ADAMTSL5: variants seen among roughly 807,000 people sequenced by gnomAD.
The protein encoded by ADAMTSL5 is ADAMTS-like protein 5.
In ADAMTSL5, 53 loss-of-function variants were observed where a neutral mutation model predicts 51.7. The ratio of observed to expected loss-of-function variants is 1.03; its 90% CI spans 0.82 to 1.29. The LOEUF (loss-of-function observed/expected upper bound fraction) is 1.29, where lower values mean the gene tolerates loss of function less well. ADAMTSL5 is among the 50% of genes most tolerant of loss of function. The pLI is 0.00. For synonymous variants in ADAMTSL5, 285 were observed against 278.7 expected (o/e 1.02, Z -0.23); for missense variants, 770 against 676.2 (o/e 1.14, Z -1.54).
At chr19:1,512,666 T>G (rs1429540545) in intron 1 of ADAMTSL5, among the ~76,000 whole-genome samples, 1 of 151,484 alleles carries the variant, frequency 6.6e-6, no homozygotes, top group African/African-American at 2.4e-5. Flanking sequence ...GGCGACATAG[T>G]GAGACTCAGT....
Position 1,505,868 on chromosome 19 carries a change from G to T in ADAMTSL5, c.*147C>A. The T allele has an allele frequency of 9.5e-7, 1 of 1,048,566 alleles. No individual in the cohort carries two copies. The highest frequency in any genetic ancestry group is 1.7e-5 in the South Asian group (1 of 57,352). 65.0% of individuals were successfully genotyped at this position (1,048,566 alleles called of 1,614,324 possible). On this transcript the variant is annotated 3_prime_UTR_variant, in exon 12 of 12. Coordinates refer to ENST00000330475, the MANE Select transcript of ADAMTSL5 (RefSeq NM_213604.3). ...TTGACTGCATGCAGAGGTGTCTTAA[G>T]CGTGTGTGGGAGGGAGTCACATAGC... is the stretch of plus-strand genomic sequence containing the variant.
Position 1,505,969 on chromosome 19 carries a change from C to A in ADAMTSL5, c.*46G>T. 1 of 1,473,974 alleles carries A rather than the reference C, an allele frequency of 6.8e-7. No individual in the cohort carries two copies. Among genetic ancestry groups the A allele is most frequent in the South Asian group, 1.4e-5 (1 of 72,728 alleles). 91.3% of individuals were successfully genotyped at this position (1,473,974 alleles called of 1,614,324 possible). Reference sequence around the variant, plus strand: ...GAAATACGTTGACGTTGAGGCTGGTCAGATGTATCTTTCTTGCTGTGTGTG... The same window carrying A: ...GAAATACGTTGACGTTGAGGCTGGTAAGATGTATCTTTCTTGCTGTGTGTG... On this transcript the variant is annotated 3_prime_UTR_variant, in exon 12 of 12. Transcript: ENST00000330475.
chr19:1,511,489 T>G (rs1913261177), intron 1 of ADAMTSL5: 48 of 1,103,928 alleles, frequency 4.3e-5, no homozygotes, highest in Non-Finnish European at 5.3e-5. Context: ...ATTATTGATA[T>G]GTGTATTGTG....
intron 6 of ADAMTSL5, 128 bp from the exon 7 acceptor site, chr19:1,508,237 G>A: frequency 8.0e-7 from 1 of 1,243,356 alleles, no homozygotes; most frequent in Non-Finnish European, 1.1e-6. Context: ...GGGAGGAGCA[G>A]GACCTGGCGG....
At chr19:1,512,762 A>G (rs1913326943) in intron 1 of ADAMTSL5, among the ~76,000 whole-genome samples, 1 of 152,106 alleles carries the variant, frequency 6.6e-6, no homozygotes, top group African/African-American at 2.4e-5. Context: ...GCCTGGTTTG[A>G]GGAGTGGGGG....
In ADAMTSL5 at chr19:1,510,648, C is replaced by T. The variant is rs1225745404; in HGVS notation, c.182G>A (p.Arg61His). 2.0e-6 allele frequency: 3 copies of T among 1,535,932 alleles called. No individual in the cohort carries two copies. The highest frequency in any genetic ancestry group is 2.5e-5 in the East Asian group (1 of 39,908). The change falls in exon 3 of 12, where the codon CGC becomes CAC. Residue 61 changes from arginine to histidine, a missense_variant. Physicochemically the swap from Arg to His is conservative, Grantham distance 29. Transcript: ENST00000330475. ...TCCGGGCCCCGCTCACCGGAGGCAG[C>T]GCCGGCTGCGCACAGAGACGCCACG... ...CGRGVSVRSR[R>H]CLRLPGEEPC...
chr19:1,505,329 C>T lies in ADAMTSL5; in HGVS notation c.*686G>A, dbSNP rs1363676839. 1 of 151,572 alleles carries T rather than the reference C, an allele frequency of 6.6e-6. No individual in the cohort carries two copies. The highest frequency in any genetic ancestry group is 1.9e-4 in the East Asian group (1 of 5,162). 9.4% of individuals were successfully genotyped at this position (151,572 alleles called of 1,614,324 possible). A position where few individuals can be genotyped will look rare whatever the true frequency, so the allele number is the denominator to read the frequency against. On this transcript the variant is annotated 3_prime_UTR_variant, in exon 12 of 12. Transcript: ENST00000330475. The stretch of plus-strand genomic sequence containing the variant: ...GCTGCAGTGAGCCATGATTGCACCA[C>T]CGCACTTCAGCCTAGGTGACAGAGC...
At chr19:1,507,069 C>T (rs1270732943) in intron 9 of ADAMTSL5, 141 bp from the exon 10 acceptor site, 74 of 1,256,698 alleles carry the variant, frequency 5.9e-5, no homozygotes, top group Non-Finnish European at 7.9e-5. Context: ...CTAGCTGATC[C>T]CCTCTGACCC....
Position 1,507,624 on chromosome 19 carries a change from C to A in ADAMTSL5, c.621G>T (p.Trp207Cys). Residue 207 changes from tryptophan to cysteine, a missense_variant, in exon 8 of 12, where the codon TGG (tryptophan) becomes TGT (cysteine). Transcript: ENST00000330475. Reference sequence around the variant, plus strand: ...CGCCCTCGGGGATCAGGGTCACGTTCCAGTACCCAGCGAAGGCACCTGGGT... The same window carrying A: ...CGCCCTCGGGGATCAGGGTCACGTTACAGTACCCAGCGAAGGCACCTGGGT... ...FRDAGAFAGY[W>C]NVTLIPEGAR... 1 of 1,613,534 alleles carries A rather than the reference C, an allele frequency of 6.2e-7. No individual in the cohort carries two copies. The highest frequency in any genetic ancestry group is 8.5e-7 in the Non-Finnish European group (1 of 1,180,006).
At position 1,511,131 on chromosome 19, in the gene ADAMTSL5, G is replaced by A. The variant is rs977392046; in HGVS notation, c.-188C>T. ...AAAGAAGACAGGAGACGTGGAGCCC[G>A]GTATGGAGAGGAAGAACTCAGAATG... On this transcript the variant is annotated 5_prime_UTR_variant, in exon 2 of 12. Coordinates refer to ENST00000330475, the MANE Select transcript of ADAMTSL5 (RefSeq NM_213604.3). The A allele has an allele frequency of 4.8e-6, 2 of 413,996 alleles. No individual in the cohort carries two copies. Among genetic ancestry groups the A allele is most frequent in the East Asian group, 3.6e-5 (1 of 27,508 alleles). 25.6% of individuals were successfully genotyped at this position (413,996 alleles called of 1,614,324 possible). A position where few individuals can be genotyped will look rare whatever the true frequency, so the allele number is the denominator to read the frequency against.
At chr19:1,510,808 C>A in intron 2 of ADAMTSL5, 37 bp downstream of exon 2, 1 of 1,513,478 alleles carries the variant, frequency 6.6e-7, no homozygotes. Flanking sequence ...GGTCCCCATT[C>A]CCACTCGCCA....
Position 1,510,211 on chromosome 19 carries a change from CAGGGCACACTGTAGGTCTCGGA to C in ADAMTSL5, c.278_299del (p.Phe93CysfsTer110). 1 of 1,613,342 alleles carries C rather than the reference CAGGGCACACTGTAGGTCTCGGA, an allele frequency of 6.2e-7. No individual in the cohort carries two copies. The highest frequency in any genetic ancestry group is 1.3e-5 in the African/African-American group (1 of 75,046). Reference sequence around the variant, plus strand: ...TGCCCAGGACAGGGCGGCCATTGTACAGGGCACACTGTAGGTCTCGGAAGGGCACAGCCCCTGGGGGGCAGTC... The same window carrying C: ...TGCCCAGGACAGGGCGGCCATTGTACAGGGCACAGCCCCTGGGGGGCAGTC... On this transcript the variant is annotated frameshift_variant, in exon 5 of 12. Coordinates refer to ENST00000330475, the MANE Select transcript of ADAMTSL5 (RefSeq NM_213604.3). LOFTEE classifies it high-confidence loss of function.
At chr19:1,511,745 G>A (rs763044425) in intron 1 of ADAMTSL5, 95 of 456,802 alleles carry the variant, frequency 2.1e-4, no homozygotes, top group Middle Eastern at 3.6e-4. Context: ...AGGTGCGGCC[G>A]GCAGGGGCTG....
rs145355730 is a variant in ADAMTSL5 at position 1,507,247 on chromosome 19, G to A, written c.847C>T (p.Leu283=). ...TGTTGGAGGCCCAGTGGCACCTGTA[G>A]GAGCAGGTCATGGGAGGTGGGCCCG... ...AAGPTSHDLL[L]QVLLQEPNPG... The change falls in exon 9 of 12, where the codon CTA becomes TTA. Residue 283 remains leucine (L), a synonymous_variant. Transcript: ENST00000330475. The A allele has an allele frequency of 6.4e-5, 98 of 1,532,526 alleles. 1 individual carries two copies. Among genetic ancestry groups the A allele is most frequent in the Non-Finnish European group, 8.0e-5 (91 of 1,141,584 alleles). The allele number at this position is 1,532,526 out of a possible 1,614,324, so 94.9% of individuals were successfully genotyped here.
Position 1,507,264 on chromosome 19 carries a change from G to A in ADAMTSL5, c.830C>T (p.Thr277Ile). The change falls in exon 9 of 12, where the codon ACC becomes ATC. Residue 277 changes from threonine (T) to isoleucine (I), a missense_variant. Physicochemically the swap from Thr to Ile is moderately conservative, Grantham distance 89. Transcript: ENST00000330475. Reference sequence around the variant, plus strand: ...CACCTGTAGGAGCAGGTCATGGGAGGTGGGCCCGGCTGCTTGCAATGTCTC... The same window carrying A: ...CACCTGTAGGAGCAGGTCATGGGAGATGGGCCCGGCTGCTTGCAATGTCTC... ...PQETLQAAGP[T>I]SHDLLLQVLL... The A allele has an allele frequency of 6.5e-7, 1 of 1,549,600 alleles. No homozygotes were observed. The highest frequency in any genetic ancestry group is 1.4e-5 in the African/African-American group (1 of 72,776).
chr19:1,508,186 C>A, intron 6 of ADAMTSL5, 77 bp from the exon 7 acceptor site: 1 of 1,455,096 alleles, frequency 6.9e-7, no homozygotes, highest in African/African-American at 1.4e-5. Flanking sequence ...TGCCTGGGAG[C>A]AAGAGGACGA....
intron 7 of ADAMTSL5, 40 bp downstream of exon 7, chr19:1,507,958 A>C: frequency 1.3e-6 from 2 of 1,548,342 alleles, no homozygotes; most frequent in African/African-American, 1.4e-5. Context: ...TAAAGGGCCC[A>C]CTCTGACGTG....
chr19:1,508,322 A>T (rs1238078998), intron 6 of ADAMTSL5, 121 bp downstream of exon 6: 17 of 830,550 alleles, frequency 2.0e-5, no homozygotes. Flanking sequence ...GGGAGGGGGA[A>T]GGCGGTGGAG....
intron 4 of ADAMTSL5, 29 bp downstream of exon 4, chr19:1,510,339 G>T (rs763511871): frequency 1.6e-5 from 26 of 1,613,628 alleles, no homozygotes; most frequent in Non-Finnish European, 2.1e-5. Flanking sequence ...TGGGGTGGGA[G>T]AGTGGTCTGG....
Sources: allele counts gnomAD v4.1 joint callset (sites outside exome capture counted in the v4.1 genomes callset), GRCh38; gene constraint gnomAD v4.1.1; transcripts MANE v1.5; gene names NCBI Gene and HGNC (gene_info 2026-07-23, HGNC 2026-07-21).